Variants in DOCK9 observed in about 807,000 individuals in gnomAD.
DOCK9 encodes the protein dedicator of cytokinesis protein 9.
In DOCK9, 89 loss-of-function variants were observed where a neutral mutation model predicts 263.3. The observed-to-expected ratio is 0.34, with a 90% CI of 0.28 to 0.40. DOCK9 has a LOEUF of 0.40. DOCK9 is among the 10% of genes least tolerant of loss of function. The pLI is 1.00. For missense variants in DOCK9, 2,140 were observed against 2,603.4 expected (o/e 0.82, Z 3.87); for synonymous variants, 976 against 973.1 (o/e 1.00, Z -0.06).
Position 98,918,171 on chromosome 13 carries a change from T to C in DOCK9, c.718-2668A>G, listed in dbSNP as rs1164049557. 2.0e-5 allele frequency among the ~76,000 whole-genome samples: 3 copies of C among 152,346 alleles called. No individual in the cohort carries two copies. In the East Asian group the frequency reaches 5.8e-4, roughly 29 times the overall value. On this transcript the variant is annotated intron_variant, in intron 7 of 52. Transcript: ENST00000682017. ...CCCTTTCTCTGTAGAAGGGAAAGAC[T>C]GAAGTGAGCCCCAAATTGCCTCAGC...
At chr13:98,898,148 C>G (rs757798310) in intron 14 of DOCK9, 31 bp downstream of exon 14, 1 of 1,522,950 alleles carries the variant, frequency 6.6e-7, no homozygotes, top group Non-Finnish European at 9.1e-7. Context: ...CTATCTATAT[C>G]GATTTAAAAG....
At chr13:99,072,772 G>C (rs1308131448) in intron 1 of DOCK9, among the ~76,000 whole-genome samples, 1 of 152,128 alleles carries the variant, frequency 6.6e-6, no homozygotes, top group Non-Finnish European at 1.5e-5. Flanking sequence ...CGCCGAGGCA[G>C]GAAGATCACT....
intron 47 of DOCK9, 89 bp downstream of exon 47, chr13:98,809,263 T>G (rs753352638): frequency 9.3e-6 from 12 of 1,289,366 alleles, no homozygotes; most frequent in Non-Finnish European, 1.3e-5. Context: ...ATTTATAAGA[T>G]ATAACTTTAT....
chr13:98,877,836 A>G (rs2044115546), intron 27 of DOCK9, among the ~76,000 whole-genome samples: 1 of 152,194 alleles, frequency 6.6e-6, no homozygotes, highest in South Asian at 2.1e-4. Flanking sequence ...ATAGTTGCAG[A>G]ATGAATTGGT....
intron 7 of DOCK9, among the ~76,000 whole-genome samples, chr13:98,916,290 C>G (rs1354526850): frequency 2.0e-5 from 3 of 152,230 alleles, no homozygotes; most frequent in Non-Finnish European, 4.4e-5. Context: ...TGCCAGTCTT[C>G]AGACATTCCA....
chr13:99,023,402 A>G (rs1015849783), intron 1 of DOCK9, among the ~76,000 whole-genome samples: 2 of 152,258 alleles, frequency 1.3e-5, no homozygotes, highest in African/African-American at 4.8e-5. Flanking sequence ...ATACTGCACG[A>G]TTCCATTTGA....
Position 98,971,049 on chromosome 13 carries a change from A to G in DOCK9, c.126+6735T>C, listed in dbSNP as rs149922514. ...ACTCCACAATCCTAAACCTGACTCCATCCCAGGTTATTCTGAGATCAAAGA... is the reference window on the plus strand; with the variant it reads ...ACTCCACAATCCTAAACCTGACTCCGTCCCAGGTTATTCTGAGATCAAAGA... On this transcript the variant is annotated intron_variant, in intron 1 of 52. Coordinates refer to ENST00000682017, the MANE Select transcript of DOCK9 (RefSeq NM_001366683.2). Among the ~76,000 whole-genome samples, 128 of 152,306 alleles carry G rather than the reference A, an allele frequency of 8.4e-4. 1 individual carries two copies. Among genetic ancestry groups the G allele is most frequent in the African/African-American group, 2.7e-3 (113 of 41,564 alleles).
At chr13:98,955,385 T>C in intron 2 of DOCK9, 50 bp downstream of exon 2, 9 of 1,246,364 alleles carry the variant, frequency 7.2e-6, no homozygotes, top group Non-Finnish European at 1.0e-5. Flanking sequence ...AAATACTGCT[T>C]GTTAAGATCA....
At chr13:99,024,778 T>A (rs1013997014) in intron 1 of DOCK9, among the ~76,000 whole-genome samples, 2 of 152,226 alleles carry the variant, frequency 1.3e-5, no homozygotes, top group Non-Finnish European at 2.9e-5. Context: ...ATGATACTAA[T>A]GTGGTTACCT....
intron 36 of DOCK9, among the ~76,000 whole-genome samples, chr13:98,849,202 C>T (rs950081564): frequency 3.3e-5 from 5 of 151,944 alleles, no homozygotes; most frequent in Non-Finnish European, 5.9e-5. Flanking sequence ...ACATAACTCC[C>T]GCCTTTAACT....
chr13:98,959,933 C>T (rs2058452069), intron 1 of DOCK9, among the ~76,000 whole-genome samples: 1 of 152,180 alleles, frequency 6.6e-6, no homozygotes. Flanking sequence ...CCCCGCTAAG[C>T]TTTTCCAGGT....
intron 2 of DOCK9, among the ~76,000 whole-genome samples, chr13:98,942,268 C>T (rs1322489723): frequency 5.6e-5 from 8 of 143,850 alleles, no homozygotes; most frequent in Non-Finnish European, 9.0e-5. Flanking sequence ...GACAGAGTCT[C>T]GCTCTGTCCC....
chr13:98,930,777 T>G (rs2053792472), intron 2 of DOCK9, among the ~76,000 whole-genome samples: 1 of 152,080 alleles, frequency 6.6e-6, no homozygotes, highest in Admixed American at 6.5e-5. Flanking sequence ...CCCGAGTAGC[T>G]GGGATTACAG....
intron 39 of DOCK9, chr13:98,834,318 C>T (rs1318033656): frequency 6.6e-6 from 1 of 152,176 alleles, no homozygotes; most frequent in Admixed American, 6.5e-5. Context: ...TTTATGTACA[C>T]AATTATTTTA....
At chr13:98,975,762 TC>T (rs1409044516) in intron 1 of DOCK9, among the ~76,000 whole-genome samples, 50 of 152,336 alleles carry the variant, frequency 3.3e-4, no homozygotes, top group African/African-American at 8.9e-4. Flanking sequence ...AAATGCTACC[TC>T]CTGAATAAAG....
intron 1 of DOCK9, among the ~76,000 whole-genome samples, chr13:98,972,872 G>A (rs74111260): frequency 0.015 from 2,251 of 152,298 alleles, 51 homozygotes; most frequent in African/African-American, 0.051. Flanking sequence ...TTGCTGCCTG[G>A]GGAGAGGGAG....
chr13:99,048,547 C>G (rs1356783429), intron 1 of DOCK9, among the ~76,000 whole-genome samples: 1 of 152,226 alleles, frequency 6.6e-6, no homozygotes, highest in African/African-American at 2.4e-5. Flanking sequence ...AGCCCTGCTC[C>G]TCGGAGGCAA....
chr13:98,925,070 G>A (rs1358835149), intron 4 of DOCK9, among the ~76,000 whole-genome samples: 2 of 151,998 alleles, frequency 1.3e-5, no homozygotes, highest in Admixed American at 6.6e-5. Context: ...AGGCTGAGGC[G>A]GGAGAGTTGC....
At chr13:98,836,790 G>A (rs919042289) in intron 39 of DOCK9, among the ~76,000 whole-genome samples, 9 of 152,308 alleles carry the variant, frequency 5.9e-5, no homozygotes, top group African/African-American at 2.2e-4. Flanking sequence ...GACAAGTAAA[G>A]CAGAGAATGA....
Sources: allele counts gnomAD v4.1 joint callset (sites outside exome capture counted in the v4.1 genomes callset), GRCh38; gene constraint gnomAD v4.1.1; transcripts MANE v1.5; gene names NCBI Gene and HGNC (gene_info 2026-07-23, HGNC 2026-07-21).